The following ZC3H11A variants were observed in gnomAD, a reference collection of about 807,000 sequenced individuals.
ZC3H11A encodes zinc finger CCCH domain-containing protein 11A.
A neutral mutation model predicts 90.8 loss-of-function variants in ZC3H11A; 22 were observed. That is an observed-to-expected ratio of 0.24 (90% CI 0.17 to 0.35). The LOEUF is 0.35. Among genes scored for constraint, ZC3H11A ranks in the 10% least tolerant of loss-of-function variants. The pLI, the probability that ZC3H11A is intolerant of heterozygous loss-of-function variation, is 1.00. For synonymous variants in ZC3H11A, 294 were observed against 339.8 expected (o/e 0.87, Z 1.48); for missense variants, 701 against 964.9 (o/e 0.73, Z 3.62).
At chr1:203,829,237 C>T in intron 5 of ZC3H11A, 1 of 587,224 alleles carries the variant, frequency 1.7e-6, no homozygotes, top group Non-Finnish European at 3.0e-6. Flanking sequence ...TTTGAGTGCC[C>T]ACTTTGTGTT....
chr1:203,822,120 C>A (rs1678984804), intron 4 of ZC3H11A, among the ~76,000 whole-genome samples: 1 of 152,152 alleles, frequency 6.6e-6, no homozygotes, highest in Non-Finnish European at 1.5e-5. Context: ...GCTTCCAGTT[C>A]ATCAATGCCA....
chr1:203,799,839 T>A (rs375656792), intron 1 of ZC3H11A: 13 of 1,520,646 alleles, frequency 8.5e-6, no homozygotes, highest in African/African-American at 6.9e-5. Flanking sequence ...GTTAGATCCT[T>A]GCTTTAAAAA....
chr1:203,823,354 G>T (rs1408607564), intron 4 of ZC3H11A, among the ~76,000 whole-genome samples: 2 of 152,194 alleles, frequency 1.3e-5, no homozygotes, highest in Non-Finnish European at 2.9e-5. Context: ...TGAAAATGCA[G>T]CAATGCATGT....
chr1:203,808,763 T>G (rs1255189847), intron 2 of ZC3H11A, among the ~76,000 whole-genome samples: 1 of 152,158 alleles, frequency 6.6e-6, no homozygotes, highest in African/African-American at 2.4e-5. Flanking sequence ...GGCTGGAAAT[T>G]AGAGTCTTCA....
intron 4 of ZC3H11A, among the ~76,000 whole-genome samples, chr1:203,820,368 G>A (rs1409371347): frequency 6.6e-6 from 1 of 151,998 alleles, no homozygotes; most frequent in African/African-American, 2.4e-5. Flanking sequence ...GGTAGCTATA[G>A]GGAAATTGTT....
At chr1:203,816,305 T>C (rs1676347589) in intron 2 of ZC3H11A, among the ~76,000 whole-genome samples, 1 of 152,152 alleles carries the variant, frequency 6.6e-6, no homozygotes, top group Non-Finnish European at 1.5e-5. Flanking sequence ...AAAATACATA[T>C]ATACATACAT....
chr1:203,831,470 A>G (rs1029116277), intron 8 of ZC3H11A, among the ~76,000 whole-genome samples, 191 bp from the exon 9 acceptor site: 8 of 152,136 alleles, frequency 5.3e-5, no homozygotes, highest in Admixed American at 4.6e-4. Flanking sequence ...TTTTGTTTTC[A>G]CATCATGCCC....
chr1:203,832,509 C>T (rs34831695), intron 9 of ZC3H11A, among the ~76,000 whole-genome samples: 14,634 of 151,976 alleles, frequency 0.096, 998 homozygotes, highest in Non-Finnish European at 0.14. Context: ...TATAGGCACC[C>T]GCCACCACGC....
chr1:203,800,730 ATTGAAAGGCC>A (rs1670311901), intron 1 of ZC3H11A: 1 of 267,710 alleles, frequency 3.7e-6, no homozygotes, highest in South Asian at 1.2e-4. Flanking sequence ...ATAGTGCAGC[ATTGAAAGGCC>A]TTAGGCTTTC....
At position 203,847,316 on chromosome 1, in the gene ZC3H11A, C is replaced by A. The variant is rs1240930244; in HGVS notation, c.1175C>A (p.Thr392Asn). 6.2e-7 allele frequency: 1 copy of A among 1,613,922 alleles called. No individual in the cohort carries two copies. The highest frequency in any genetic ancestry group is 8.5e-7 in the Non-Finnish European group (1 of 1,179,870). Residue 392 changes from threonine to asparagine, a missense_variant, in exon 13 of 18, where the codon ACT (threonine) becomes AAT (asparagine). Physicochemically the swap from Thr to Asn is moderately conservative, Grantham distance 65. Around this residue, in one of 4 missense-constraint regions of ZC3H11A, gnomAD observed 530 missense variants for 696.2 expected, o/e 0.76. Transcript: ENST00000367210. ...GGACCTTCAAAAACTGATGATTCTA[C>A]TTCAGGAGCAAGAAGCTCCTCCACT... ...TEGPSKTDDS[T>N]SGARSSSTIR... is the part of the protein sequence containing the mutation.
intron 4 of ZC3H11A, among the ~76,000 whole-genome samples, chr1:203,819,060 T>A (rs1677322540): frequency 8.4e-6 from 1 of 119,704 alleles, no homozygotes; most frequent in African/African-American, 3.1e-5. Flanking sequence ...AGAGCAACAC[T>A]CCGTCTCAAA....
At chr1:203,817,277 A>G (rs1443887382) in intron 3 of ZC3H11A, among the ~76,000 whole-genome samples, 153 bp downstream of exon 3, 2 of 152,160 alleles carry the variant, frequency 1.3e-5, no homozygotes, top group East Asian at 3.8e-4. Flanking sequence ...TAATGTATTT[A>G]GGGTAATTCA....
chr1:203,818,760 CAAAAGTGACTTTTAAAAAATATATTA>C, intron 4 of ZC3H11A, 71 bp downstream of exon 4: 1 of 1,604,712 alleles, frequency 6.2e-7, no homozygotes, highest in Non-Finnish European at 8.5e-7. Context: ...AATATAGGGA[CAAAAGTGACTTTTAAAAAATATATTA>C]AGGCTGAGTG....
intron 1 of ZC3H11A, chr1:203,799,417 A>T (rs1281517161): frequency 1.4e-6 from 1 of 703,004 alleles, no homozygotes; most frequent in Non-Finnish European, 2.6e-6. Context: ...TTCCAAAATG[A>T]TCACCAACTT....
chr1:203,851,515 TG>T (rs1689251488), intron 17 of ZC3H11A, among the ~76,000 whole-genome samples: 1 of 152,004 alleles, frequency 6.6e-6, no homozygotes. Context: ...TTTTTAGTAG[TG>T]ACAGGGTTTT....
At chr1:203,801,515 T>TA (rs1670551214) in intron 1 of ZC3H11A, 60 bp from the exon 2 acceptor site, 1 of 152,584 alleles carries the variant, frequency 6.6e-6, no homozygotes, top group Non-Finnish European at 1.5e-5. Flanking sequence ...AAAAGTCTAT[T>TA]AAAAGTTTCA....
chr1:203,810,380 T>C (rs555213868), intron 2 of ZC3H11A, among the ~76,000 whole-genome samples: 26 of 151,916 alleles, frequency 1.7e-4, no homozygotes, highest in Non-Finnish European at 3.5e-4. Flanking sequence ...TTTTTTTCTT[T>C]ATCTCTTATT....
In ZC3H11A at chr1:203,840,390, G is replaced by A. The variant is rs1039597313; in HGVS notation, c.1042+16G>A. On this transcript the variant is annotated intron_variant, in intron 12 of 17. Transcript: ENST00000367210. ...GATGCAACAGGTAAGTAAATCCTAA[G>A]ACCAGATTCTGATTATTTTTTTCTT... 5 of 1,604,898 alleles carry A rather than the reference G, an allele frequency of 3.1e-6. No individual in the cohort carries two copies. Among genetic ancestry groups the A allele is most frequent in the East Asian group, 2.2e-5 (1 of 44,620 alleles).
intron 2 of ZC3H11A, among the ~76,000 whole-genome samples, chr1:203,807,530 T>G (rs573118919): frequency 1.3e-5 from 2 of 152,052 alleles, no homozygotes; most frequent in African/African-American, 2.4e-5. Flanking sequence ...CTGTTTTTTT[T>G]TTGTTGGTTT....
Sources: gnomAD v4.1 joint callset for allele counts (sites outside exome capture counted in the v4.1 genomes callset) on GRCh38, gnomAD v4.1.1 for gene constraint, gnomAD v4.1.1 regional missense constraint, MANE v1.5 for transcripts, NCBI Gene and HGNC (gene_info 2026-07-23, HGNC 2026-07-21) for gene names.